The following REL variants were observed in gnomAD, a reference collection of about 807,000 sequenced individuals.
REL encodes REL proto-oncogene, NF-kB subunit.
In REL, 15 loss-of-function variants were observed where a neutral mutation model predicts 45.9. The ratio of observed to expected loss-of-function variants is 0.33; its 90% CI spans 0.22 to 0.50. REL has a LOEUF of 0.50. Among genes scored for constraint, REL ranks in the 20% least tolerant of loss-of-function variants. REL has a pLI of 0.98. For synonymous variants in REL, 239 were observed against 242.1 expected (o/e 0.99, Z 0.12); for missense variants, 601 against 715.2 (o/e 0.84, Z 1.82).
At chr2:60,914,810 G>T (rs1181372853) in intron 4 of REL, among the ~76,000 whole-genome samples, 7 of 151,006 alleles carry the variant, frequency 4.6e-5, no homozygotes, top group African/African-American at 1.7e-4. Flanking sequence ...TCATTTGGGA[G>T]TGTATACCCA....
rs1004134925 is a variant in REL at position 60,929,620 on chromosome 2, ATG to A, written c.*7086_*7087del. ...CTCACTCATAGGTGGGAATTGAACA[ATG>A]AGAACACATGGACACAGGAAGGGGA... On this transcript the variant is annotated 3_prime_UTR_variant, in exon 10 of 10. Coordinates refer to ENST00000394479, the MANE Select transcript of REL (RefSeq NM_001291746.2). 6.9e-6 allele frequency: 1 copy of A among 145,526 alleles called. No individual in the cohort carries two copies. Among genetic ancestry groups the A allele is most frequent in the African/African-American group, 2.5e-5 (1 of 39,224 alleles). The allele number at this position is 145,526 out of a possible 1,614,324, so 9.0% of individuals were successfully genotyped here.
chr2:60,901,752 T>C (rs552761878), intron 4 of REL, among the ~76,000 whole-genome samples: 3 of 152,320 alleles, frequency 2.0e-5, no homozygotes, highest in Admixed American at 6.5e-5. Flanking sequence ...TTATAAGGTA[T>C]TGGAGTGCAT....
intron 1 of REL, among the ~76,000 whole-genome samples, chr2:60,884,824 A>G (rs1289081788): frequency 5.9e-5 from 9 of 152,262 alleles, no homozygotes; most frequent in Non-Finnish European, 1.2e-4. Flanking sequence ...CTTACCAACT[A>G]TTTGTAGTGT....
Position 60,929,803 on chromosome 2 carries a change from A to G in REL, c.*7268A>G, listed in dbSNP as rs1401968767. 1 of 151,978 alleles carries G rather than the reference A, an allele frequency of 6.6e-6. No homozygotes were observed. Among genetic ancestry groups the G allele is most frequent in the Non-Finnish European group, 1.5e-5 (1 of 67,978 alleles). 9.4% of individuals were successfully genotyped at this position (151,978 alleles called of 1,614,324 possible). A position where few individuals can be genotyped will look rare whatever the true frequency, so the allele number is the denominator to read the frequency against. On this transcript the variant is annotated 3_prime_UTR_variant, in exon 10 of 10. Transcript: ENST00000394479. ...CCTGCACAATGTGCACATGTACCCTAAAGCTTAAAGTATAATAAAAAATAA... is the reference window on the plus strand; with the variant it reads ...CCTGCACAATGTGCACATGTACCCTGAAGCTTAAAGTATAATAAAAAATAA...
chr2:60,901,182 G>A lies in REL; in HGVS notation c.394+99G>A, dbSNP rs538572787. ...TTTTTTTTTTTTTTTTTGAGACGGAGTTTTGCTCTTGTCGCCAGGCTGGAG... is the reference window on the plus strand; with the variant it reads ...TTTTTTTTTTTTTTTTTGAGACGGAATTTTGCTCTTGTCGCCAGGCTGGAG... On this transcript the variant is annotated intron_variant, in intron 4 of 9. Transcript: ENST00000394479. The A allele has an allele frequency of 5.9e-5, 74 of 1,247,080 alleles. 1 individual carries two copies. Among genetic ancestry groups the A allele is most frequent in the African/African-American group, 4.9e-5 (2 of 41,092 alleles). 77.3% of individuals were successfully genotyped at this position (1,247,080 alleles called of 1,614,324 possible). A position where few individuals can be genotyped will look rare whatever the true frequency, so the allele number is the denominator to read the frequency against.
At position 60,922,302 on chromosome 2, in the gene REL, A is replaced by G. The variant is rs753173333; in HGVS notation, c.1531A>G (p.Ser511Gly). The G allele has an allele frequency of 6.2e-6, 10 of 1,614,186 alleles. No individual in the cohort carries two copies. In the South Asian group the frequency reaches 9.9e-5, roughly 16 times the overall value. The change falls in exon 10 of 10, where the codon AGT (serine) becomes GGT (glycine). Residue 511 changes from serine to glycine, a missense_variant. Transcript: ENST00000394479. ...LRQLHQMSSS[S>G]MSAGANSNTT... Reference sequence around the variant, plus strand: ...ACAGCTCCATCAGATGTCCTCTTCCAGTATGTCAGCAGGCGCCAATTCCAA... The same window carrying G: ...ACAGCTCCATCAGATGTCCTCTTCCGGTATGTCAGCAGGCGCCAATTCCAA...
At chr2:60,915,968 A>C (rs1673951161) in intron 4 of REL, among the ~76,000 whole-genome samples, 1 of 152,204 alleles carries the variant, frequency 6.6e-6, no homozygotes, top group Non-Finnish European at 1.5e-5. Flanking sequence ...CATTTAGTAG[A>C]TACTCTTGTG....
At position 60,925,886 on chromosome 2, in the gene REL, C is replaced by G. The variant is rs1674255563; in HGVS notation, c.*3351C>G. 3 of 222,686 alleles carry G rather than the reference C, an allele frequency of 1.3e-5. No homozygotes were observed. Among genetic ancestry groups the G allele is most frequent in the Non-Finnish European group, 2.7e-5 (3 of 111,272 alleles). The allele number at this position is 222,686 out of a possible 1,614,324, so 13.8% of individuals were successfully genotyped here. A position where few individuals can be genotyped will look rare whatever the true frequency, so the allele number is the denominator to read the frequency against. On this transcript the variant is annotated 3_prime_UTR_variant, in exon 10 of 10. Coordinates refer to ENST00000394479, the MANE Select transcript of REL (RefSeq NM_001291746.2). ...CTGTGTTTAGAATATTTTTTTAAAACTAAATAAGTGTTGGCTAGTTTTGCG... is the reference window on the plus strand; with the variant it reads ...CTGTGTTTAGAATATTTTTTTAAAAGTAAATAAGTGTTGGCTAGTTTTGCG...
At chr2:60,881,900 G>T (rs1672947931) in intron 1 of REL, 50 bp downstream of exon 1, 5 of 1,336,954 alleles carry the variant, frequency 3.7e-6, no homozygotes, top group Non-Finnish European at 4.9e-6. Flanking sequence ...GAGCTCTTCT[G>T]AAGGGGGTCC....
At chr2:60,882,525 A>G (rs538763369) in intron 1 of REL, among the ~76,000 whole-genome samples, 1 of 152,086 alleles carries the variant, frequency 6.6e-6, no homozygotes. Context: ...AAATACAAAA[A>G]TCAGCGGGGC....
intron 4 of REL, among the ~76,000 whole-genome samples, chr2:60,909,826 C>T (rs550621437): frequency 1.5e-4 from 23 of 152,032 alleles, no homozygotes; most frequent in Admixed American, 2.6e-4. Context: ...ATCAGTTGAA[C>T]CAGGAGGCGG....
chr2:60,918,937 C>T (rs751945542), intron 7 of REL, among the ~76,000 whole-genome samples: 3 of 152,020 alleles, frequency 2.0e-5, no homozygotes, highest in Admixed American at 2.0e-4. Context: ...ACTATAGGCA[C>T]GTGCCACCAC....
intron 1 of REL, among the ~76,000 whole-genome samples, chr2:60,887,536 C>T (rs1391530289): frequency 1.3e-5 from 2 of 151,742 alleles, no homozygotes; most frequent in African/African-American, 4.8e-5. Flanking sequence ...GTAGCTTTAT[C>T]TCAAGAAGAA....
At chr2:60,895,124 G>A (rs185279623) in intron 3 of REL, among the ~76,000 whole-genome samples, 79 of 152,080 alleles carry the variant, frequency 5.2e-4, no homozygotes, top group Non-Finnish European at 1.0e-3. Context: ...CTCCCAAAGT[G>A]CTGGGATTAC....
At position 60,929,546 on chromosome 2, in the gene REL, T is replaced by A. The variant is rs1674342188; in HGVS notation, c.*7011T>A. The A allele has an allele frequency of 6.6e-6, 1 of 151,472 alleles. No homozygotes were observed. 9.4% of individuals were successfully genotyped at this position (151,472 alleles called of 1,614,324 possible). ...GGGACATGGATGAAATTGGAAAACA[T>A]CATTCTCAGTAAACTATCGCAAGAA... On this transcript the variant is annotated 3_prime_UTR_variant, in exon 10 of 10. Coordinates refer to ENST00000394479, the MANE Select transcript of REL (RefSeq NM_001291746.2).
At chr2:60,883,817 A>C (rs1370305938) in intron 1 of REL, among the ~76,000 whole-genome samples, 1 of 151,710 alleles carries the variant, frequency 6.6e-6, no homozygotes, top group Non-Finnish European at 1.5e-5. Context: ...GAAAGTTTTA[A>C]AGGTTTAGAA....
chr2:60,905,576 G>A (rs139836196), intron 4 of REL, among the ~76,000 whole-genome samples: 9 of 152,108 alleles, frequency 5.9e-5, no homozygotes, highest in Admixed American at 2.0e-4. Context: ...TAACTTATCC[G>A]AGTCACATGG....
chr2:60,913,350 A>T (rs1673872568), intron 4 of REL, among the ~76,000 whole-genome samples: 1 of 152,152 alleles, frequency 6.6e-6, no homozygotes, highest in Non-Finnish European at 1.5e-5. Flanking sequence ...TGTGAAAAAG[A>T]GTAAAGATTT....
intron 3 of REL, chr2:60,899,017 A>G (rs1191060623): frequency 6.6e-6 from 1 of 152,230 alleles, no homozygotes; most frequent in Non-Finnish European, 1.5e-5. Flanking sequence ...ATAGCAGTCA[A>G]ATATGAGATT....
Sources: allele counts gnomAD v4.1 joint callset (sites outside exome capture counted in the v4.1 genomes callset), GRCh38; gene constraint gnomAD v4.1.1; transcripts MANE v1.5; gene names NCBI Gene and HGNC (gene_info 2026-07-23, HGNC 2026-07-21).